EIF2AK2: variants seen among roughly 807,000 people sequenced by gnomAD.
EIF2AK2 encodes eukaryotic translation initiation factor 2 alpha kinase 2.
Under a neutral mutation model 70.5 loss-of-function variants are expected in EIF2AK2, and 40 were observed. The observed-to-expected ratio is 0.57, with a 90% confidence interval of 0.44 to 0.74. The LOEUF (loss-of-function observed/expected upper bound fraction) is 0.74. EIF2AK2 is among the 30% of genes least tolerant of loss of function. The pLI, the probability that EIF2AK2 is intolerant of heterozygous loss-of-function variation, is 0.00. For missense variants in EIF2AK2, 555 were observed against 644.3 expected (o/e 0.86, Z 1.50); for synonymous variants, 198 against 220.9 (o/e 0.90, Z 0.92).
intron 1 of EIF2AK2, among the ~76,000 whole-genome samples, chr2:37,151,024 T>C (rs771454457): frequency 1.3e-5 from 2 of 152,140 alleles, no homozygotes; most frequent in Non-Finnish European, 2.9e-5. Context: ...GAGATCTTCA[T>C]GACTTTGGAT....
intron 12 of EIF2AK2, among the ~76,000 whole-genome samples, chr2:37,122,174 C>T (rs1364850175): frequency 6.6e-6 from 1 of 152,158 alleles, no homozygotes; most frequent in African/African-American, 2.4e-5. Flanking sequence ...TTAAAACTCT[C>T]TTCACAAGAC....
At chr2:37,123,984 T>C (rs1674644984) in intron 11 of EIF2AK2, among the ~76,000 whole-genome samples, 1 of 152,146 alleles carries the variant, frequency 6.6e-6, no homozygotes, top group African/African-American at 2.4e-5. Context: ...TTCCTTTTTT[T>C]TTTGAGACAG....
In EIF2AK2 at chr2:37,141,571, C is replaced by T. The variant is rs1675333123; in HGVS notation, c.371G>A (p.Gly124Glu). 2 of 1,613,660 alleles carry T rather than the reference C, an allele frequency of 1.2e-6. No individual in the cohort carries two copies. The highest frequency in any genetic ancestry group is 2.2e-5 in the South Asian group (2 of 90,902). ...GTCTTACCCTTCTGGCCCATGCACC[C>T]CCGATGCACACTGTTCATAATTTAC... ...LTVNYEQCAS[G>E]VHGPEGFHYK... Residue 124 changes from glycine to glutamate, a missense_variant, in exon 5 of 17, where the codon GGG (glycine) becomes GAG (glutamate). This residue lies in a region of EIF2AK2 where 208 missense variants were observed against 191.8 expected (regional missense o/e 1.08). Transcript: ENST00000233057.
chr2:37,138,150 A>T, intron 8 of EIF2AK2, 120 bp downstream of exon 8: 1 of 635,908 alleles, frequency 1.6e-6, no homozygotes, highest in Non-Finnish European at 2.6e-6. Context: ...ATTATCATTT[A>T]GTAAGAGTGC....
chr2:37,110,635 T>G (rs1674112190), intron 14 of EIF2AK2, among the ~76,000 whole-genome samples: 1 of 152,192 alleles, frequency 6.6e-6, no homozygotes, highest in African/African-American at 2.4e-5. Flanking sequence ...AACCATCAGA[T>G]AGCTCAGTAT....
intron 12 of EIF2AK2, among the ~76,000 whole-genome samples, chr2:37,120,371 G>A (rs1674496291): frequency 6.6e-6 from 1 of 151,422 alleles, no homozygotes; most frequent in Admixed American, 6.6e-5. Flanking sequence ...CAGGCGTGGT[G>A]GCGGGCGCCT....
intron 10 of EIF2AK2, 135 bp downstream of exon 10, chr2:37,135,349 T>C (rs574640729): frequency 1.6e-5 from 11 of 706,712 alleles, no homozygotes; most frequent in African/African-American, 9.0e-5. Flanking sequence ...CCTAAGACTA[T>C]TGTTCTTACC....
chr2:37,153,676 G>A (rs1675823288), intron 1 of EIF2AK2, among the ~76,000 whole-genome samples: 1 of 152,020 alleles, frequency 6.6e-6, no homozygotes, highest in African/African-American at 2.4e-5. Flanking sequence ...TCCTTTTTAA[G>A]GCTGAATAAT....
intron 8 of EIF2AK2, 70 bp from the exon 9 acceptor site, chr2:37,137,087 C>T (rs1675154272): frequency 7.3e-7 from 1 of 1,378,182 alleles, no homozygotes; most frequent in African/African-American, 1.4e-5. Flanking sequence ...CGTTTTCCTT[C>T]CTCCTGTATA....
At chr2:37,153,770 G>C (rs1675826420) in intron 1 of EIF2AK2, among the ~76,000 whole-genome samples, 1 of 152,086 alleles carries the variant, frequency 6.6e-6, no homozygotes, top group Admixed American at 6.5e-5. Context: ...TGGCCATCTT[G>C]AATCATGCTG....
At chr2:37,146,002 CCTCAG>C (rs979349238) in intron 4 of EIF2AK2, among the ~76,000 whole-genome samples, 1 of 152,056 alleles carries the variant, frequency 6.6e-6, no homozygotes, top group African/African-American at 2.4e-5. Flanking sequence ...GATCCACCCG[CCTCAG>C]CTTCCCAAAG....
At chr2:37,109,454 T>C (rs1187702972) in intron 14 of EIF2AK2, 159 bp from the exon 15 acceptor site, 1 of 589,280 alleles carries the variant, frequency 1.7e-6, no homozygotes, top group East Asian at 2.9e-5. Flanking sequence ...GGTTCAAATC[T>C]GTACCGCCGA....
intron 10 of EIF2AK2, among the ~76,000 whole-genome samples, chr2:37,126,967 GAAAAAAAAAAAAAAAAAAAA>G (rs57802509): frequency 1.9e-5 from 1 of 52,154 alleles, no homozygotes; most frequent in Non-Finnish European, 3.4e-5. Flanking sequence ...CAAAAAAACA[GAAAAAAAAAAAAAAAAAAAA>G]AAAAAAAAAA....
intron 13 of EIF2AK2, among the ~76,000 whole-genome samples, chr2:37,118,132 G>C (rs1298158449): frequency 1.3e-5 from 2 of 151,304 alleles, no homozygotes; most frequent in African/African-American, 2.4e-5. Context: ...AACATGGTGA[G>C]ACCCTGTCTC....
intron 10 of EIF2AK2, among the ~76,000 whole-genome samples, chr2:37,133,841 G>A (rs868574767): frequency 1.3e-5 from 2 of 152,018 alleles, no homozygotes; most frequent in African/African-American, 2.4e-5. Context: ...ACTATTCCAC[G>A]GGATTTATGG....
chr2:37,150,141 TAAAAAA>T (rs34438804), intron 1 of EIF2AK2, among the ~76,000 whole-genome samples: 1 of 136,064 alleles, frequency 7.3e-6, no homozygotes. Context: ...GAAGTGACGG[TAAAAAA>T]AAAAAAAAAA....
At chr2:37,110,060 T>C (rs1304732604) in intron 14 of EIF2AK2, among the ~76,000 whole-genome samples, 1 of 151,770 alleles carries the variant, frequency 6.6e-6, no homozygotes, top group Non-Finnish European at 1.5e-5. Flanking sequence ...GTATAAATTG[T>C]TCCTCAACAA....
intron 15 of EIF2AK2, among the ~76,000 whole-genome samples, chr2:37,107,732 G>A (rs1674010594): frequency 6.6e-6 from 1 of 152,152 alleles, no homozygotes; most frequent in African/African-American, 2.4e-5. Context: ...GAAGTGTTAA[G>A]TGCATCATCT....
At chr2:37,113,172 C>T (rs1413228668) in intron 14 of EIF2AK2, among the ~76,000 whole-genome samples, 1 of 152,050 alleles carries the variant, frequency 6.6e-6, no homozygotes, top group Non-Finnish European at 1.5e-5. Flanking sequence ...AATGAGAAAC[C>T]TAGCAGCCGT....
Sources: gnomAD v4.1 joint callset for allele counts (sites outside exome capture counted in the v4.1 genomes callset) on GRCh38, gnomAD v4.1.1 for gene constraint, gnomAD v4.1.1 regional missense constraint, MANE v1.5 for transcripts, NCBI Gene and HGNC (gene_info 2026-07-23, HGNC 2026-07-21) for gene names.